Variants in MDH1B observed in about 807,000 individuals in gnomAD.
The protein encoded by MDH1B is malate dehydrogenase 1B.
A neutral mutation model predicts 61.4 loss-of-function variants in MDH1B; 60 were observed. The ratio of observed to expected loss-of-function variants is 0.98; its 90% CI spans 0.79 to 1.21. MDH1B has a LOEUF of 1.21. Among genes scored for constraint, MDH1B ranks in the 50% most tolerant of loss-of-function variants. The probability of loss-of-function intolerance (pLI) is 0.00; values close to 1 mark genes in which losing one functional copy is unlikely to be tolerated. For synonymous variants in MDH1B, 236 were observed against 218.7 expected (o/e 1.08, Z -0.70); for missense variants, 587 against 632.1 (o/e 0.93, Z 0.76).
intron 2 of MDH1B, 71 bp from the exon 3 acceptor site, chr2:206,757,442 T>A: frequency 6.7e-7 from 1 of 1,498,098 alleles, no homozygotes. Flanking sequence ...ACTTTAGAAT[T>A]CAAACATTAA....
At position 206,755,282 on chromosome 2, in the gene MDH1B, C is replaced by G. The variant is rs1396732985; in HGVS notation, c.637G>C (p.Val213Leu). The change falls in exon 5 of 12, where the codon GTG becomes CTG. Residue 213 changes from valine to leucine, a missense_variant. Transcript: ENST00000374412. ...EAFRQAHVIV[V>L]LDDSTNKEVF... Reference sequence around the variant, plus strand: ...TCCTTGTTGGTGCTGTCATCCAGCACCACAATGACGTGGGCCTGGCGGAAG... The same window carrying G: ...TCCTTGTTGGTGCTGTCATCCAGCAGCACAATGACGTGGGCCTGGCGGAAG... 8 of 1,614,188 alleles carry G rather than the reference C, an allele frequency of 5.0e-6. No individual in the cohort carries two copies. In the Admixed American group the frequency reaches 6.7e-5, roughly 13 times the overall value.
intron 9 of MDH1B, 84 bp downstream of exon 9, chr2:206,745,538 C>A: frequency 2.0e-6 from 2 of 992,040 alleles, no homozygotes; most frequent in South Asian, 1.5e-5. Flanking sequence ...GAGAGTTATT[C>A]ATATTAACAG....
At position 206,746,315 on chromosome 2, in the gene MDH1B, A is replaced by G; in HGVS notation, c.1328T>C (p.Met443Thr). ...AATTAGATCACTTGTCATTCGGGTCATTATTTGTTCACTTATTTCAACATC... is the reference window on the plus strand; with the variant it reads ...AATTAGATCACTTGTCATTCGGGTCGTTATTTGTTCACTTATTTCAACATC... ...LKDVEISEQIMTRMTSDLIQE... is the reference protein window; with the variant it reads ...LKDVEISEQITTRMTSDLIQE... The change falls in exon 8 of 12, where the codon ATG becomes ACG. Residue 443 changes from methionine to threonine, a missense_variant. Transcript: ENST00000374412. 1 of 1,613,858 alleles carries G rather than the reference A, an allele frequency of 6.2e-7. No homozygotes were observed. Among genetic ancestry groups the G allele is most frequent in the South Asian group, 1.1e-5 (1 of 91,014 alleles).
At chr2:206,761,560 A>G (rs61674203) in intron 1 of MDH1B, among the ~76,000 whole-genome samples, 18,719 of 152,144 alleles carry the variant, frequency 0.12, 1,663 homozygotes, top group African/African-American at 0.26. Flanking sequence ...GCAGTTGGAG[A>G]TACTTGTAGT....
At chr2:206,738,869 T>C (rs987429754) in intron 11 of MDH1B, among the ~76,000 whole-genome samples, 3 of 152,198 alleles carry the variant, frequency 2.0e-5, no homozygotes, top group African/African-American at 7.2e-5. Flanking sequence ...GCCCCATTCC[T>C]AAGTCCATCA....
At chr2:206,763,432 G>T (rs949680905) in intron 1 of MDH1B, among the ~76,000 whole-genome samples, 3 of 151,868 alleles carry the variant, frequency 2.0e-5, no homozygotes, top group African/African-American at 7.3e-5. Context: ...TGCCACTCTA[G>T]GCCAGGTCAC....
At chr2:206,739,271 T>C (rs1351641478) in intron 11 of MDH1B, among the ~76,000 whole-genome samples, 1 of 151,864 alleles carries the variant, frequency 6.6e-6, no homozygotes, top group Non-Finnish European at 1.5e-5. Flanking sequence ...TAAAAATTAG[T>C]TGGGAGTGGT....
intron 2 of MDH1B, 65 bp downstream of exon 2, chr2:206,760,836 T>C (rs1689048656): frequency 2.2e-6 from 2 of 901,272 alleles, no homozygotes; most frequent in Non-Finnish European, 3.6e-6. Flanking sequence ...CACCAGTTAA[T>C]ATTTAATCAA....
intron 4 of MDH1B, 42 bp from the exon 5 acceptor site, chr2:206,755,547 T>G (rs373315656): frequency 6.2e-5 from 97 of 1,564,648 alleles, no homozygotes; most frequent in Non-Finnish European, 7.4e-5. Flanking sequence ...GTTATATCCT[T>G]TGTCCCTTTT....
intron 11 of MDH1B, 115 bp downstream of exon 11, chr2:206,739,478 G>T: frequency 1.1e-6 from 1 of 909,342 alleles, no homozygotes; most frequent in Non-Finnish European, 1.7e-6. Flanking sequence ...CCTGGGGAAT[G>T]TGGGAAGTGG....
intron 6 of MDH1B, among the ~76,000 whole-genome samples, chr2:206,750,523 C>T (rs1284023574): frequency 6.6e-6 from 1 of 151,686 alleles, no homozygotes; most frequent in East Asian, 2.0e-4. Flanking sequence ...TGTTCCTCAC[C>T]ACCTCTTGCT....
At chr2:206,753,687 C>G (rs1174515966) in intron 5 of MDH1B, among the ~76,000 whole-genome samples, 1 of 152,192 alleles carries the variant, frequency 6.6e-6, no homozygotes, top group Non-Finnish European at 1.5e-5. Flanking sequence ...TCTTTGCTGC[C>G]TCACTGACAA....
chr2:206,755,157 G>T lies in MDH1B; in HGVS notation c.762C>A (p.Ile254=), dbSNP rs1050357714. 6.2e-7 allele frequency: 1 copy of T among 1,614,156 alleles called. No homozygotes were observed. Among genetic ancestry groups the T allele is most frequent in the East Asian group, 2.2e-5 (1 of 44,872 alleles). ...GGTTTACAAAGGTTCTCCCTCCCAC[G>T]ATGACTCTGACAGACTCATGAGCAT... The part of the protein sequence containing the change: ...EKNAHESVRV[I]VGGRTFVNLK... Residue 254 remains isoleucine (I), a synonymous_variant, in exon 5 of 12, where the codon ATC becomes ATA. Coordinates refer to ENST00000374412, the MANE Select transcript of MDH1B (RefSeq NM_001039845.3).
chr2:206,757,446 A>G (rs1052296395), intron 2 of MDH1B, 75 bp from the exon 3 acceptor site: 30 of 1,440,518 alleles, frequency 2.1e-5, no homozygotes, highest in Non-Finnish European at 2.7e-5. Flanking sequence ...TAGAATTCAA[A>G]CATTAAAATA....
At chr2:206,738,652 TG>T in intron 11 of MDH1B, 141 bp from the exon 12 acceptor site, 1 of 548,710 alleles carries the variant, frequency 1.8e-6, no homozygotes, top group African/African-American at 1.9e-5. Context: ...AGTGATTCTA[TG>T]GGGAAATAAA....
chr2:206,739,582 C>G lies in MDH1B; in HGVS notation c.1528+11G>C, dbSNP rs374989061. 26 of 1,611,788 alleles carry G rather than the reference C, an allele frequency of 1.6e-5. 2 individuals are homozygous for G. The highest frequency in any genetic ancestry group is 1.6e-4 in the East Asian group (7 of 44,850). ...AAGAAAATACTAGTTAATGTTTTGT[C>G]TACCACCTACCATTTAGGAACTCAA... On this transcript the variant is annotated intron_variant, in intron 11 of 11. Coordinates refer to ENST00000374412, the MANE Select transcript of MDH1B (RefSeq NM_001039845.3).
chr2:206,747,129 T>C (rs1261837332), intron 7 of MDH1B, among the ~76,000 whole-genome samples: 1 of 146,756 alleles, frequency 6.8e-6, no homozygotes, highest in Non-Finnish European at 1.5e-5. Flanking sequence ...ATTTCTGCCA[T>C]ACTAGACAAC....
In MDH1B at chr2:206,760,966, A is replaced by T. The variant is rs1689058492; in HGVS notation, c.70T>A (p.Tyr24Asn). 1 of 1,612,924 alleles carries T rather than the reference A, an allele frequency of 6.2e-7. No individual in the cohort carries two copies. The highest frequency in any genetic ancestry group is 8.5e-7 in the Non-Finnish European group (1 of 1,179,094). ...YYAKTELVAD[Y>N]LQKNLPDFRI... ...AAATCAGGAAGATTCTTTTGTAAAT[A>T]GTCTGCCACAAGTTCTGTTTTAGCA... The change falls in exon 2 of 12, where the codon TAT becomes AAT. Residue 24 changes from tyrosine to asparagine, a missense_variant. Coordinates refer to ENST00000374412, the MANE Select transcript of MDH1B (RefSeq NM_001039845.3).
At chr2:206,760,609 GGA>G (rs1689034851) in intron 2 of MDH1B, among the ~76,000 whole-genome samples, 1 of 152,144 alleles carries the variant, frequency 6.6e-6, no homozygotes, top group Non-Finnish European at 1.5e-5. Context: ...TCAATACCAA[GGA>G]GAATGAAAAG....
Sources: gnomAD v4.1 joint callset for allele counts (sites outside exome capture counted in the v4.1 genomes callset) on GRCh38, gnomAD v4.1.1 for gene constraint, MANE v1.5 for transcripts, NCBI Gene and HGNC (gene_info 2026-07-23, HGNC 2026-07-21) for gene names.